GPC1: variants seen among roughly 807,000 people sequenced by gnomAD.
GPC1 encodes glypican-1.
GPC1 carries 26 observed loss-of-function variants against 51.5 expected under a neutral mutation model. The observed-to-expected ratio is 0.50, with a 90% CI of 0.37 to 0.70. The LOEUF is 0.70. Among genes scored for constraint, GPC1 ranks in the 30% least tolerant of loss-of-function variants. The pLI is 0.00. For missense variants in GPC1, 775 were observed against 800.5 expected (o/e 0.97, Z 0.38); for synonymous variants, 380 against 348.3 (o/e 1.09, Z -1.01).
rs755605052 is a variant in GPC1 at position 240,462,350 on chromosome 2, C to T, written c.485C>T (p.Thr162Met). 18 of 1,598,018 alleles carry T rather than the reference C, an allele frequency of 1.1e-5. No individual in the cohort carries two copies. Among genetic ancestry groups the T allele is most frequent in the East Asian group, 2.3e-5 (1 of 43,914 alleles). The change falls in exon 3 of 9, where the codon ACG becomes ATG. Residue 162 changes from threonine (T) to methionine (M), a missense_variant. By Grantham distance (81) the Thr-to-Met change is moderately conservative (BLOSUM62 -1). Transcript: ENST00000264039. ...YRGANLHLEETLAEFWARLLE... is the reference protein window; with the variant it reads ...YRGANLHLEEMLAEFWARLLE... ...GGTGCCAACCTGCACCTGGAGGAGACGCTGGCCGAGTTCTGGGCCCGCCTG... is the reference window on the plus strand; with the variant it reads ...GGTGCCAACCTGCACCTGGAGGAGATGCTGGCCGAGTTCTGGGCCCGCCTG...
rs192028262 is a variant in GPC1 at position 240,437,998 on chromosome 2, G to C, written c.166+1914G>C. On this transcript the variant is annotated intron_variant, in intron 1 of 8. Coordinates refer to ENST00000264039, the MANE Select transcript of GPC1 (RefSeq NM_002081.3). ...GTGGGTCGTGCTGCTCTTGGGTTGG[G>C]GAATGCAGTGGGTTAGGGACCCAGG... Among the ~76,000 whole-genome samples the C allele has an allele frequency of 6.9e-3, 1,055 of 152,340 alleles. 13 individuals are homozygous for C. Among genetic ancestry groups the C allele is most frequent in the African/African-American group, 0.023 (959 of 41,564 alleles).
At chr2:240,450,549 A>G (rs1559196755) in intron 1 of GPC1, 2 of 468,042 alleles carry the variant, frequency 4.3e-6, no homozygotes, top group Non-Finnish European at 8.9e-6. Flanking sequence ...TGCGAGGCCC[A>G]TAGTGAGCTC....
intron 1 of GPC1, chr2:240,455,914 CGGGCCTCAGG>C (rs1168727872): frequency 9.2e-6 from 3 of 324,632 alleles, no homozygotes; most frequent in Non-Finnish European, 1.8e-5. Flanking sequence ...CAGCCTGCAG[CGGGCCTCAGG>C]GGGCCGCCTC....
chr2:240,454,544 G>T (rs958533540), intron 1 of GPC1, among the ~76,000 whole-genome samples: 5 of 152,260 alleles, frequency 3.3e-5, no homozygotes, highest in Non-Finnish European at 5.9e-5. Context: ...GAGGGCAGGA[G>T]CGGGGAGGCC....
In GPC1 at chr2:240,455,833, G is replaced by A. The variant is rs542343008; in HGVS notation, c.167-3197G>A. 2.2e-4 allele frequency among the ~76,000 whole-genome samples: 34 copies of A among 152,318 alleles called. 1 individual carries two copies. The highest frequency in any genetic ancestry group is 2.9e-4 in the Non-Finnish European group (20 of 68,012). On this transcript the variant is annotated intron_variant, in intron 1 of 8. Transcript: ENST00000264039. ...GTCCAGGACCACAACCTGTGGCCCC[G>A]GCCTGCGCCGGGCCGGAGCTCCGCA...
chr2:240,453,816 C>G (rs1049601894), intron 1 of GPC1, among the ~76,000 whole-genome samples: 2 of 151,990 alleles, frequency 1.3e-5, no homozygotes, highest in African/African-American at 2.4e-5. Context: ...CCCGGGACCC[C>G]CAGGGCGGCG....
chr2:240,441,761 G>C (rs972159596), intron 1 of GPC1, among the ~76,000 whole-genome samples: 6 of 152,330 alleles, frequency 3.9e-5, no homozygotes, highest in East Asian at 3.9e-4. Flanking sequence ...GGGGTGGGGG[G>C]TGCAGTGTAG....
chr2:240,462,618 C>G (rs765485650), intron 3 of GPC1, 36 bp downstream of exon 3: 1 of 1,494,248 alleles, frequency 6.7e-7, no homozygotes, highest in African/African-American at 1.4e-5. Flanking sequence ...AGAAACCCCT[C>G]CAGACCCCCA....
chr2:240,457,700 G>C (rs1456195845), intron 1 of GPC1, among the ~76,000 whole-genome samples: 1 of 152,142 alleles, frequency 6.6e-6, no homozygotes. Flanking sequence ...CTCTGCCCGG[G>C]CTGACCCCGC....
rs759412147 is a variant in GPC1 at position 240,459,091 on chromosome 2, C to G, written c.228C>G (p.Asn76Lys). The G allele has an allele frequency of 6.2e-7, 1 of 1,612,744 alleles. No individual in the cohort carries two copies. The highest frequency in any genetic ancestry group is 1.3e-5 in the African/African-American group (1 of 74,938). The change falls in exon 2 of 9, where the codon AAC becomes AAG. Residue 76 changes from asparagine (N) to lysine (K), a missense_variant. Transcript: ENST00000264039. The part of the protein sequence containing the change: ...YTCCTSEMEE[N>K]LANRSHAELE... ...GCTGCACCAGCGAGATGGAGGAGAA[C>G]CTGGCCAACCGCAGCCATGCCGAGC...
chr2:240,465,041 C>A, intron 6 of GPC1, 36 bp from the exon 7 acceptor site: 1 of 1,581,004 alleles, frequency 6.3e-7, no homozygotes, highest in Non-Finnish European at 8.6e-7. Flanking sequence ...GGCGGGCGGG[C>A]CCTGGCAGCC....
intron 1 of GPC1, among the ~76,000 whole-genome samples, chr2:240,441,543 G>A (rs991705423): frequency 1.3e-5 from 2 of 152,240 alleles, no homozygotes; most frequent in African/African-American, 2.4e-5. Flanking sequence ...GTCCAGTGTC[G>A]ACGTGCCCAG....
In GPC1 at chr2:240,467,408, G is replaced by C. The variant is rs1269464839; in HGVS notation, c.*1118G>C. The C allele has an allele frequency of 2.0e-5, 3 of 152,386 alleles. No homozygotes were observed. The East Asian group carries it at 5.8e-4, about 29-fold the overall frequency. The allele number at this position is 152,386 out of a possible 1,614,324, so 9.4% of individuals were successfully genotyped here. A position where few individuals can be genotyped will look rare whatever the true frequency, so the allele number is the denominator to read the frequency against. ...TTCCTGTCCTTGTTCATGGAGAGCT[G>C]TTCGCTCCTCCCAGATGGCTTCGGA... On this transcript the variant is annotated 3_prime_UTR_variant, in exon 9 of 9. Transcript: ENST00000264039.
intron 1 of GPC1, among the ~76,000 whole-genome samples, chr2:240,439,993 C>T (rs1395951248): frequency 1.8e-4 from 28 of 152,224 alleles, no homozygotes; most frequent in Non-Finnish European, 8.8e-5. Context: ...CACAGCACTC[C>T]TCAGGCACAG....
At chr2:240,463,621 T>C in intron 4 of GPC1, 109 bp downstream of exon 4, 1 of 929,042 alleles carries the variant, frequency 1.1e-6, no homozygotes, top group African/African-American at 1.6e-5. Flanking sequence ...AGGGACCTGA[T>C]CAGGGATGCC....
rs774551103 is a variant in GPC1, at chr2:240,465,432, G to T, written c.1269-41G>T. On this transcript the variant is annotated intron_variant, in intron 7 of 8. Coordinates refer to ENST00000264039, the MANE Select transcript of GPC1 (RefSeq NM_002081.3). The stretch of plus-strand genomic sequence containing the variant: ...TGCTCAGGTGATGGCCCTTTGCAGG[G>T]GCTGGAGCAGTGACCTGGGCTCTGC... The T allele has an allele frequency of 1.9e-6, 3 of 1,592,584 alleles. No homozygotes were observed. In the East Asian group the frequency reaches 6.7e-5, roughly 36 times the overall value.
At chr2:240,436,675 A>T (rs2073986385) in intron 1 of GPC1, among the ~76,000 whole-genome samples, 1 of 152,056 alleles carries the variant, frequency 6.6e-6, no homozygotes, top group Admixed American at 6.5e-5. Flanking sequence ...GGTAGTGCGG[A>T]GGGGTGGGGA....
chr2:240,436,286 G>C (rs2073983629), intron 1 of GPC1, among the ~76,000 whole-genome samples: 1 of 151,996 alleles, frequency 6.6e-6, no homozygotes, highest in South Asian at 2.1e-4. Context: ...GCACTCCCTC[G>C]CCAGGGTCTC....
chr2:240,445,736 C>T (rs1445313213), intron 1 of GPC1, among the ~76,000 whole-genome samples: 1 of 152,188 alleles, frequency 6.6e-6, no homozygotes, highest in Non-Finnish European at 1.5e-5. Context: ...TTTTTTCTTA[C>T]TCGGAACGAT....
Sources: gnomAD v4.1 joint callset for allele counts (sites outside exome capture counted in the v4.1 genomes callset) on GRCh38, gnomAD v4.1.1 for gene constraint, MANE v1.5 for transcripts, NCBI Gene and HGNC (gene_info 2026-07-23, HGNC 2026-07-21) for gene names.